The following EVI5 variants were observed in gnomAD, a reference collection of about 807,000 sequenced individuals.
EVI5 encodes the protein ecotropic viral integration site 5 protein homolog.
A neutral mutation model predicts 112.0 loss-of-function variants in EVI5; 73 were observed. The observed-to-expected ratio is 0.65, with a 90% CI of 0.54 to 0.79. The LOEUF (loss-of-function observed/expected upper bound fraction) is 0.79. Ranked by LOEUF, EVI5 falls within the 30% of genes least tolerant of loss-of-function variation. EVI5 has a pLI of 0.00. For missense variants in EVI5, 900 were observed against 968.8 expected, an observed-to-expected ratio of 0.93 and a Z score of 0.94; for synonymous variants, 305 against 319.9, an observed-to-expected ratio of 0.95 and a Z score of 0.50.
At chr1:92,759,488 T>C (rs1001148435) in intron 1 of EVI5, among the ~76,000 whole-genome samples, 1 of 152,192 alleles carries the variant, frequency 6.6e-6, no homozygotes, top group Non-Finnish European at 1.5e-5. Context: ...GTAAAACATA[T>C]AAAATTTGCC....
At chr1:92,514,652 T>C (rs908382506) in intron 19 of EVI5, among the ~76,000 whole-genome samples, 1 of 152,182 alleles carries the variant, frequency 6.6e-6, no homozygotes, top group African/African-American at 2.4e-5. Flanking sequence ...CATGTACCCA[T>C]CACCTAATTT....
At chr1:92,518,655 T>TAAA (rs11432913) in intron 19 of EVI5, among the ~76,000 whole-genome samples, 2 of 145,496 alleles carry the variant, frequency 1.4e-5, no homozygotes, top group Non-Finnish European at 1.5e-5. Context: ...AGGGATGCTT[T>TAAA]AAAAAAAAAA....
intron 19 of EVI5, among the ~76,000 whole-genome samples, chr1:92,542,674 G>C (rs1355524629): frequency 6.6e-6 from 1 of 152,090 alleles, no homozygotes; most frequent in Non-Finnish European, 1.5e-5. Flanking sequence ...TTATGTAATG[G>C]AGCCTTATGA....
At chr1:92,765,527 T>TA (rs77206179) in intron 1 of EVI5, among the ~76,000 whole-genome samples, 48 of 141,328 alleles carry the variant, frequency 3.4e-4, no homozygotes, top group South Asian at 6.8e-4. Flanking sequence ...TTTTTCTGAT[T>TA]AAAAAAAAAA....
Position 92,527,937 on chromosome 1 carries a change from C to A in EVI5, c.2167-13967G>T, listed in dbSNP as rs79725911. Among the ~76,000 whole-genome samples the A allele has an allele frequency of 3.7e-3, 568 of 152,260 alleles. 2 individuals are homozygous for A. The highest frequency in any genetic ancestry group is 0.013 in the African/African-American group (535 of 41,550). ...TAATGCTGCTATGAGCATTCTTAAA[C>A]ATGTCTTTTGGTCAGTATATGTACT... is the stretch of plus-strand genomic sequence containing the variant. On this transcript the variant is annotated intron_variant, in intron 19 of 19. Transcript: ENST00000684568.
intron 2 of EVI5, among the ~76,000 whole-genome samples, chr1:92,729,540 A>G (rs1676118327): frequency 6.6e-6 from 1 of 151,776 alleles, no homozygotes; most frequent in Non-Finnish European, 1.5e-5. Context: ...TCAACTCTCC[A>G]TATCCTTCAG....
chr1:92,651,752 G>T (rs1662137457), intron 13 of EVI5, among the ~76,000 whole-genome samples: 1 of 139,530 alleles, frequency 7.2e-6, no homozygotes, highest in Non-Finnish European at 1.5e-5. Flanking sequence ...TTGGGAGGCT[G>T]AGGCAGGAGA....
chr1:92,785,126 G>A (rs1011972396), upstream of EVI5: 22 of 985,204 alleles, frequency 2.2e-5, no homozygotes, highest in Non-Finnish European at 2.7e-5. Flanking sequence ...AGGCGCGGGA[G>A]GGCCTTAAAG....
At chr1:92,555,876 C>A (rs1333457651) in intron 19 of EVI5, among the ~76,000 whole-genome samples, 1 of 145,998 alleles carries the variant, frequency 6.8e-6, no homozygotes. Flanking sequence ...AAGGAATAAG[C>A]ATGAAGTTAA....
intron 2 of EVI5, among the ~76,000 whole-genome samples, chr1:92,727,955 T>C (rs548552182): frequency 5.3e-5 from 8 of 150,708 alleles, no homozygotes; most frequent in South Asian, 2.1e-4. Context: ...GATCATACCA[T>C]TGCACTCCAG....
Position 92,662,792 on chromosome 1 carries a change from T to C in EVI5, c.1319A>G (p.Gln440Arg), listed in dbSNP as rs1275056795. 1 of 1,289,382 alleles carries C rather than the reference T, an allele frequency of 7.8e-7. No individual in the cohort carries two copies. Among genetic ancestry groups the C allele is most frequent in the Non-Finnish European group, 1.0e-6 (1 of 988,548 alleles). 79.9% of individuals were successfully genotyped at this position (1,289,382 alleles called of 1,614,324 possible). ...IKRELATIKQ[Q>R]SDEASAKLEQ... ...CAGCTTAGCACTGGCCTCATCACTCTGCTGTTTGATGGTGGCCAACTCCCG... is the reference window on the plus strand; with the variant it reads ...CAGCTTAGCACTGGCCTCATCACTCCGCTGTTTGATGGTGGCCAACTCCCG... The change falls in exon 13 of 20, where the codon CAG (glutamine) becomes CGG (arginine). Residue 440 changes from glutamine (Q) to arginine (R), a missense_variant. Transcript: ENST00000684568.
chr1:92,626,003 T>TA lies in EVI5; in HGVS notation c.1528-70dup. On this transcript the variant is annotated intron_variant, in intron 14 of 19. Coordinates refer to ENST00000684568, the MANE Select transcript of EVI5 (RefSeq NM_001350197.2). ...AATAAAATACAGCACACACAACAGC[T>TA]ATTGTGTTCCACACTTAAATGTATT... The TA allele has an allele frequency of 3.2e-6, 3 of 928,066 alleles. 1 individual carries two copies. The South Asian group carries it at 4.5e-5, about 14-fold the overall frequency. The allele number at this position is 928,066 out of a possible 1,614,324, so 57.5% of individuals were successfully genotyped here. A position where few individuals can be genotyped will look rare whatever the true frequency, so the allele number is the denominator to read the frequency against.
intron 1 of EVI5, among the ~76,000 whole-genome samples, chr1:92,781,220 G>C (rs926848842): frequency 7.2e-5 from 11 of 152,040 alleles, no homozygotes; most frequent in Non-Finnish European, 1.2e-4. Flanking sequence ...AATGCAAAAA[G>C]TAGGGGATGG....
chr1:92,578,291 CA>C (rs1416580938), intron 18 of EVI5, among the ~76,000 whole-genome samples: 1 of 152,120 alleles, frequency 6.6e-6, no homozygotes, highest in Non-Finnish European at 1.5e-5. Flanking sequence ...TTTCTTTTAG[CA>C]AAACTAAAGT....
At chr1:92,594,522 T>C (rs1647214494) in intron 18 of EVI5, among the ~76,000 whole-genome samples, 1 of 150,470 alleles carries the variant, frequency 6.6e-6, no homozygotes, top group Non-Finnish European at 1.5e-5. Context: ...ACTTCATGTC[T>C]AAAACACCAA....
At chr1:92,643,027 T>C (rs987170333) in intron 13 of EVI5, among the ~76,000 whole-genome samples, 1 of 152,192 alleles carries the variant, frequency 6.6e-6, no homozygotes, top group Non-Finnish European at 1.5e-5. Flanking sequence ...TGGATCAAGC[T>C]AGACTTAGAC....
At chr1:92,745,316 G>A (rs1485526994) in intron 1 of EVI5, among the ~76,000 whole-genome samples, 5 of 151,992 alleles carry the variant, frequency 3.3e-5, no homozygotes, top group Non-Finnish European at 2.9e-5. Flanking sequence ...TAAGGTGTTT[G>A]TGTGCTCTGT....
At chr1:92,524,601 C>T (rs187288685) in intron 19 of EVI5, among the ~76,000 whole-genome samples, 2 of 152,256 alleles carry the variant, frequency 1.3e-5, no homozygotes, top group Admixed American at 6.5e-5. Flanking sequence ...AAGCGCACCA[C>T]CCAATTTTAG....
intron 11 of EVI5, among the ~76,000 whole-genome samples, 166 bp from the exon 12 acceptor site, chr1:92,663,618 C>A (rs915020851): frequency 1.3e-5 from 2 of 151,972 alleles, no homozygotes; most frequent in African/African-American, 2.4e-5. Context: ...TATTTTTAAA[C>A]CTTAAGAAAA....
Sources: gnomAD v4.1 joint callset for allele counts (sites outside exome capture counted in the v4.1 genomes callset) on GRCh38, gnomAD v4.1.1 for gene constraint, MANE v1.5 for transcripts, NCBI Gene and HGNC (gene_info 2026-07-23, HGNC 2026-07-21) for gene names.